The following ARHGEF28 variants were observed in gnomAD, a reference collection of about 807,000 sequenced individuals.
The protein encoded by ARHGEF28 is Rho guanine nucleotide exchange factor 28, also known as 190 kDa guanine nucleotide exchange factor.
Under a neutral mutation model 206.6 loss-of-function variants are expected in ARHGEF28, and 152 were observed. The observed-to-expected ratio is 0.74, with a 90% CI of 0.64 to 0.84. The LOEUF (loss-of-function observed/expected upper bound fraction) is 0.84. Ranked by LOEUF, ARHGEF28 falls within the 40% of genes least tolerant of loss-of-function variation. The pLI is 0.00. For synonymous variants in ARHGEF28, 763 were observed against 776.4 expected, an observed-to-expected ratio of 0.98 and a Z score of 0.29; for missense variants, 2,028 against 2,073.2, an observed-to-expected ratio of 0.98 and a Z score of 0.42.
At chr5:73,927,208 A>T (rs1206291630) in intron 35 of ARHGEF28, among the ~76,000 whole-genome samples, 2 of 151,664 alleles carry the variant, frequency 1.3e-5, no homozygotes, top group South Asian at 2.1e-4. Context: ...AAAAAAAAAT[A>T]AAAATAAAAA....
rs1393976991 is a variant in ARHGEF28 at position 73,941,055 on chromosome 5, T to G, written c.*42T>G. 1.4e-6 allele frequency: 2 copies of G among 1,421,010 alleles called. No individual in the cohort carries two copies. The highest frequency in any genetic ancestry group is 1.8e-6 in the Non-Finnish European group (2 of 1,093,082). 88.0% of individuals were successfully genotyped at this position (1,421,010 alleles called of 1,614,324 possible). ...CCAAACAAAACAAAACACTGGCACT[T>G]TTGGGAGAAACTTTTTGTCTCCATT... On this transcript the variant is annotated 3_prime_UTR_variant, in exon 36 of 36. Transcript: ENST00000513042.
chr5:73,886,628 A>G (rs919802824), intron 25 of ARHGEF28, among the ~76,000 whole-genome samples: 13 of 152,250 alleles, frequency 8.5e-5, no homozygotes, highest in African/African-American at 3.1e-4. Flanking sequence ...GACTCTGTTC[A>G]GGAGTCTAAA....
At chr5:73,778,308 T>C (rs1056448470) in intron 6 of ARHGEF28, 27 of 152,196 alleles carry the variant, frequency 1.8e-4, no homozygotes, top group African/African-American at 6.5e-4. Flanking sequence ...ATTTGCTTCA[T>C]TATAAAATCT....
chr5:73,720,438 A>T (rs1329465132), intron 2 of ARHGEF28, among the ~76,000 whole-genome samples: 1 of 152,190 alleles, frequency 6.6e-6, no homozygotes, highest in Admixed American at 6.5e-5. Flanking sequence ...TAGCAGGCAG[A>T]GAGAGGTCAG....
chr5:73,756,020 T>C (rs1354785351), intron 4 of ARHGEF28, among the ~76,000 whole-genome samples: 1 of 152,230 alleles, frequency 6.6e-6, no homozygotes, highest in African/African-American at 2.4e-5. Flanking sequence ...TTGTTAAGAA[T>C]GTGTGCTGTG....
rs1223177616 is a variant in ARHGEF28 at position 73,867,943 on chromosome 5, A to G, written c.2220A>G (p.Gly740=). 1.2e-6 allele frequency: 2 copies of G among 1,613,826 alleles called. No individual in the cohort carries two copies. The highest frequency in any genetic ancestry group is 1.3e-5 in the African/African-American group (1 of 74,908). Residue 740 remains glycine, a synonymous_variant, in exon 19 of 36, where the codon GGA becomes GGG. Coordinates refer to ENST00000513042, the MANE Select transcript of ARHGEF28 (RefSeq NM_001177693.2). ...SLHPSSSVPV[G]LPTGRRETVG... ...ACCCTTCTTCCTCCGTGCCTGTTGG[A>G]TTGCCGACTGGAAGGAGGGAGACTG...
chr5:73,822,907 A>C lies in ARHGEF28; in HGVS notation c.1025-9431A>C, dbSNP rs540417586. ...CTCCCAAAGTGCTGGGATTATAGGC[A>C]TGAGCCACTGCACCCAGCTCAGAAA... On this transcript the variant is annotated intron_variant, in intron 9 of 35. Transcript: ENST00000513042. Among the ~76,000 whole-genome samples, 17 of 152,320 alleles carry C rather than the reference A, an allele frequency of 1.1e-4. No homozygotes were observed. In the South Asian group the frequency reaches 3.5e-3, roughly 32 times the overall value.
chr5:73,737,712 T>C lies in ARHGEF28; in HGVS notation c.34-12125T>C, dbSNP rs953729862. 3.3e-5 allele frequency among the ~76,000 whole-genome samples: 5 copies of C among 151,994 alleles called. No individual in the cohort carries two copies. The South Asian group carries it at 8.3e-4, about 25-fold the overall frequency. ...TGTATTTTTTAGTAGAGAAGGGGTT[T>C]CACCATATTGGCCAGGCTGGTCTTG... On this transcript the variant is annotated intron_variant, in intron 2 of 35. Coordinates refer to ENST00000513042, the MANE Select transcript of ARHGEF28 (RefSeq NM_001177693.2).
chr5:73,904,689 A>G (rs1193776628), intron 33 of ARHGEF28: 1 of 422,974 alleles, frequency 2.4e-6, no homozygotes, highest in Non-Finnish European at 4.2e-6. Context: ...TGAAACTCTT[A>G]GGTGAGTGTA....
chr5:73,638,581 A>G (rs1743867128), intron 1 of ARHGEF28, among the ~76,000 whole-genome samples: 1 of 152,216 alleles, frequency 6.6e-6, no homozygotes. Flanking sequence ...ATTATAGTGC[A>G]TTATCTTGCC....
intron 9 of ARHGEF28, among the ~76,000 whole-genome samples, chr5:73,816,875 C>G (rs1756246166): frequency 6.6e-6 from 1 of 152,162 alleles, no homozygotes; most frequent in African/African-American, 2.4e-5. Context: ...TACTAGCGGC[C>G]CAGCAGTTAA....
chr5:73,774,233 A>G (rs1175669311), intron 5 of ARHGEF28, among the ~76,000 whole-genome samples, 195 bp downstream of exon 5: 1 of 152,238 alleles, frequency 6.6e-6, no homozygotes, highest in African/African-American at 2.4e-5. Flanking sequence ...GAGATAGGAA[A>G]AAAGGTCTCA....
intron 33 of ARHGEF28, 186 bp downstream of exon 33, chr5:73,904,591 A>G (rs974263546): frequency 3.4e-6 from 2 of 593,764 alleles, no homozygotes; most frequent in Non-Finnish European, 2.9e-6. Context: ...CACCATGACT[A>G]CATTTTATAC....
At chr5:73,671,677 G>GT (rs1289589002) in intron 1 of ARHGEF28, among the ~76,000 whole-genome samples, 1 of 129,894 alleles carries the variant, frequency 7.7e-6, no homozygotes, top group Non-Finnish European at 1.6e-5. Context: ...TATCAGCTGG[G>GT]TTTTCATTGA....
chr5:73,847,062 A>G (rs899794984), intron 12 of ARHGEF28, among the ~76,000 whole-genome samples: 13 of 152,248 alleles, frequency 8.5e-5, no homozygotes, highest in African/African-American at 2.9e-4. Context: ...TTATTAAAAA[A>G]CTAAATACAT....
At chr5:73,886,985 G>A (rs894826035) in intron 25 of ARHGEF28, among the ~76,000 whole-genome samples, 1 of 152,162 alleles carries the variant, frequency 6.6e-6, no homozygotes, top group Admixed American at 6.5e-5. Context: ...AGTTTGGATG[G>A]AGGTTGCAAC....
chr5:73,924,901 A>G (rs1279190057), intron 35 of ARHGEF28, among the ~76,000 whole-genome samples: 1 of 152,162 alleles, frequency 6.6e-6, no homozygotes, highest in African/African-American at 2.4e-5. Context: ...ACTGTGGAAA[A>G]AACACTGATG....
chr5:73,852,813 T>G, intron 14 of ARHGEF28, 121 bp downstream of exon 14: 1 of 1,033,502 alleles, frequency 9.7e-7, no homozygotes, highest in Non-Finnish European at 1.5e-6. Context: ...CAAGCCTGCC[T>G]AAGACCCTTT....
chr5:73,795,647 G>C, intron 9 of ARHGEF28: 1 of 366,938 alleles, frequency 2.7e-6, no homozygotes, highest in Non-Finnish European at 4.9e-6. Context: ...GCCAGAAGCT[G>C]GCTCTGGACT....
Sources: gnomAD v4.1 joint callset for allele counts (sites outside exome capture counted in the v4.1 genomes callset) on GRCh38, gnomAD v4.1.1 for gene constraint, MANE v1.5 for transcripts, NCBI Gene and HGNC (gene_info 2026-07-23, HGNC 2026-07-21) for gene names.